DISP1: variants seen among roughly 807,000 people sequenced by gnomAD.
DISP1 encodes the protein protein dispatched homolog 1.
In DISP1, 30 loss-of-function variants were observed where a neutral mutation model predicts 37.3. That is an observed-to-expected ratio of 0.80 (90% CI 0.60 to 1.09). The LOEUF is 1.09. Ranked by LOEUF, DISP1 falls within the 50% of genes least tolerant of loss-of-function variation. DISP1 has a pLI of 0.00. For missense variants in DISP1, 1,598 were observed against 1,879.5 expected (o/e 0.85, Z 2.77); for synonymous variants, 634 against 690.2 (o/e 0.92, Z 1.28).
intron 2 of DISP1, 56 bp downstream of exon 2, chr1:222,928,626 G>A (rs1230521478): frequency 6.6e-6 from 1 of 152,028 alleles, no homozygotes; most frequent in African/African-American, 2.4e-5. Context: ...GTGTGAATTT[G>A]TTATTTTAGG....
chr1:222,816,418 T>C (rs61838109), intron 1 of DISP1, among the ~76,000 whole-genome samples: 9,954 of 152,242 alleles, frequency 0.065, 417 homozygotes, highest in Non-Finnish European at 0.087. Flanking sequence ...CTAGGAAGAA[T>C]CATAACACTG....
chr1:222,851,061 A>ATTTT (rs971721526), intron 1 of DISP1, among the ~76,000 whole-genome samples: 1 of 127,362 alleles, frequency 7.9e-6, no homozygotes, highest in Non-Finnish European at 1.7e-5. Context: ...TGCATTTTTA[A>ATTTT]TTTTTTTTTT....
intron 1 of DISP1, among the ~76,000 whole-genome samples, chr1:222,868,856 A>T (rs755488660): frequency 4.9e-4 from 74 of 152,176 alleles, no homozygotes; most frequent in Non-Finnish European, 1.0e-4. Flanking sequence ...AATGTTAAAA[A>T]TTTCATTTAT....
At chr1:222,845,268 G>T (rs145379615) in intron 1 of DISP1, among the ~76,000 whole-genome samples, 1 of 152,076 alleles carries the variant, frequency 6.6e-6, no homozygotes, top group Non-Finnish European at 1.5e-5. Context: ...TATTGTAAGT[G>T]CATTCAAAAT....
chr1:222,891,440 T>C lies in DISP1; in HGVS notation c.-158-36990T>C, dbSNP rs544188051. ...GAAAGATTGAAGCTGGAAATAAGGATTTGGAAGTAAACTATATTATAGGTC... is the reference window on the plus strand; with the variant it reads ...GAAAGATTGAAGCTGGAAATAAGGACTTGGAAGTAAACTATATTATAGGTC... On this transcript the variant is annotated intron_variant, in intron 1 of 8. Transcript: ENST00000675850. Among the ~76,000 whole-genome samples, 278 of 152,166 alleles carry C rather than the reference T, an allele frequency of 1.8e-3. 3 individuals carry two copies. Among genetic ancestry groups the C allele is most frequent in the African/African-American group, 6.5e-3 (271 of 41,486 alleles).
chr1:222,980,031 G>A (rs754684922), intron 3 of DISP1, among the ~76,000 whole-genome samples: 29 of 152,284 alleles, frequency 1.9e-4, no homozygotes, highest in Non-Finnish European at 4.0e-4. Flanking sequence ...AGGCATGGAA[G>A]AGAAAATTGT....
chr1:222,890,620 G>A (rs1670885841), intron 1 of DISP1, among the ~76,000 whole-genome samples: 1 of 152,114 alleles, frequency 6.6e-6, no homozygotes, highest in Admixed American at 6.5e-5. Flanking sequence ...CTACAACTAG[G>A]TGTTAGTTTT....
At chr1:222,973,025 A>G (rs1677067413) in intron 3 of DISP1, among the ~76,000 whole-genome samples, 1 of 152,168 alleles carries the variant, frequency 6.6e-6, no homozygotes, top group Admixed American at 6.5e-5. Flanking sequence ...AATTAACTAT[A>G]GATTGTATTA....
rs778256356 is a variant in DISP1 at position 222,942,726 on chromosome 1, G to C, written c.-17-81G>C. The C allele has an allele frequency of 5.2e-6, 8 of 1,540,734 alleles. No individual in the cohort carries two copies. In the South Asian group the frequency reaches 7.9e-5, roughly 15 times the overall value. ...CAAGAACCCTCATTTTCAATGAGCT[G>C]TTTTTAAATATCATACTTGTCTTTC... On this transcript the variant is annotated intron_variant, in intron 2 of 8. Transcript: ENST00000675850.
At chr1:222,981,079 G>C (rs1572688032) in intron 3 of DISP1, among the ~76,000 whole-genome samples, 1 of 152,238 alleles carries the variant, frequency 6.6e-6, no homozygotes, top group African/African-American at 2.4e-5. Context: ...CTCTGTCTCA[G>C]AACAAAAAAT....
rs573090456 is a variant in DISP1 at position 222,943,578 on chromosome 1, A to C, written c.509+246A>C. On this transcript the variant is annotated intron_variant, in intron 3 of 8. Transcript: ENST00000675850. ...TTTCCCTGTCTGCAAACTGGTTAGG[A>C]ATATCTGCTAGACCTTGAGTTATAA... The C allele has an allele frequency of 4.1e-5, 24 of 582,924 alleles. No homozygotes were observed. In the East Asian group the frequency reaches 7.1e-4, roughly 17 times the overall value. 36.1% of individuals were successfully genotyped at this position (582,924 alleles called of 1,614,324 possible).
intron 2 of DISP1, among the ~76,000 whole-genome samples, chr1:222,940,736 T>G (rs1295104797): frequency 6.6e-6 from 1 of 152,128 alleles, no homozygotes; most frequent in Middle Eastern, 3.4e-3. Context: ...GCAGGAGGAG[T>G]TGACTTTCCC....
intron 1 of DISP1, among the ~76,000 whole-genome samples, chr1:222,926,456 G>T (rs1033668004): frequency 6.6e-6 from 1 of 152,080 alleles, no homozygotes; most frequent in Admixed American, 6.6e-5. Context: ...TGGTAGTTTT[G>T]TTCCTGAAGT....
chr1:222,824,990 C>T (rs1663957889), intron 1 of DISP1, among the ~76,000 whole-genome samples: 1 of 152,058 alleles, frequency 6.6e-6, no homozygotes, highest in Non-Finnish European at 1.5e-5. Flanking sequence ...TCTTTTTAAA[C>T]CTAGATAAAA....
At chr1:222,838,695 T>C (rs1250508973) in intron 1 of DISP1, among the ~76,000 whole-genome samples, 1 of 152,226 alleles carries the variant, frequency 6.6e-6, no homozygotes, top group East Asian at 1.9e-4. Context: ...TTGCTTGAGC[T>C]CAGAGTTAGA....
chr1:222,973,789 CAT>C (rs1215104010), intron 3 of DISP1, among the ~76,000 whole-genome samples: 1 of 152,182 alleles, frequency 6.6e-6, no homozygotes, highest in Admixed American at 6.5e-5. Context: ...AGCAATACCT[CAT>C]AGCCTGCATC....
Position 222,990,511 on chromosome 1 carries a change from A to G in DISP1, c.540-114A>G, listed in dbSNP as rs1678621954. 3 of 1,486,044 alleles carry G rather than the reference A, an allele frequency of 2.0e-6. No individual in the cohort carries two copies. In the South Asian group the frequency reaches 3.4e-5, roughly 17 times the overall value. 92.1% of individuals were successfully genotyped at this position (1,486,044 alleles called of 1,614,324 possible). On this transcript the variant is annotated intron_variant, in intron 4 of 8. Transcript: ENST00000675850. ...ATGTAGTCTACAATATGAGGATTTA[A>G]TAAATTGCTGTCTTAGGTACCAAAA...
At chr1:222,936,764 A>AAATTATATATCATATATATGATATATAT (rs1673804720) in intron 2 of DISP1, among the ~76,000 whole-genome samples, 3 of 50,856 alleles carry the variant, frequency 5.9e-5, no homozygotes, top group South Asian at 1.1e-3. Flanking sequence ...ATGATATATA[A>AAATTATATATCATATATATGATATATAT]AAATTATATA....
intron 3 of DISP1, among the ~76,000 whole-genome samples, chr1:222,953,797 G>A (rs1246249885): frequency 6.6e-6 from 1 of 152,168 alleles, no homozygotes; most frequent in Non-Finnish European, 1.5e-5. Flanking sequence ...ACTTCTTTGA[G>A]AGAGTTCTTC....
Sources: allele counts gnomAD v4.1 joint callset (sites outside exome capture counted in the v4.1 genomes callset), GRCh38; gene constraint gnomAD v4.1.1; transcripts MANE v1.5; gene names NCBI Gene and HGNC (gene_info 2026-07-23, HGNC 2026-07-21).